NHSL1: variants seen among roughly 807,000 people sequenced by gnomAD.
NHSL1 encodes NHS like 1, also known as NHS-like protein 1.
A neutral mutation model predicts 95.0 loss-of-function variants in NHSL1; 48 were observed. The observed-to-expected ratio is 0.51, with a 90% CI of 0.40 to 0.64. The LOEUF (loss-of-function observed/expected upper bound fraction) is 0.64. Ranked by LOEUF, NHSL1 falls within the 30% of genes least tolerant of loss-of-function variation. The pLI is 0.00. For synonymous variants in NHSL1, 783 were observed against 833.9 expected (o/e 0.94, Z 1.05); for missense variants, 1,971 against 2,077.7 (o/e 0.95, Z 1.00).
At chr6:138,443,191 T>A (rs533817090) in intron 4 of NHSL1, among the ~76,000 whole-genome samples, 1 of 152,338 alleles carries the variant, frequency 6.6e-6, no homozygotes, top group Admixed American at 6.5e-5. Flanking sequence ...TAACTTCTAT[T>A]TTGGTAAGAA....
intron 1 of NHSL1, among the ~76,000 whole-genome samples, chr6:138,625,300 G>A (rs963198485): frequency 2.0e-5 from 3 of 151,992 alleles, no homozygotes; most frequent in Admixed American, 1.3e-4. Flanking sequence ...GCGCCACCAC[G>A]CCTGACTAAT....
rs549477269 is a variant in NHSL1, at chr6:138,494,521, C to T, written c.211+1698G>A. Among the ~76,000 whole-genome samples, 150 of 152,226 alleles carry T rather than the reference C, an allele frequency of 9.9e-4. 1 individual carries two copies. The highest frequency in any genetic ancestry group is 3.5e-3 in the African/African-American group (145 of 41,546). ...GATAATACATTCAGTGGGCTTAGAACAGTATCTGGCATTAGAGTTAAGTGT... is the reference window on the plus strand; with the variant it reads ...GATAATACATTCAGTGGGCTTAGAATAGTATCTGGCATTAGAGTTAAGTGT... On this transcript the variant is annotated intron_variant, in intron 2 of 7. Transcript: ENST00000343505.
chr6:138,579,682 G>C (rs1048931837), intron 1 of NHSL1, among the ~76,000 whole-genome samples: 1 of 152,164 alleles, frequency 6.6e-6, no homozygotes, highest in African/African-American at 2.4e-5. Flanking sequence ...ACACAGGCTG[G>C]GATCTGCTGG....
At chr6:138,533,501 T>C (rs950286839) in intron 1 of NHSL1, among the ~76,000 whole-genome samples, 1 of 152,082 alleles carries the variant, frequency 6.6e-6, no homozygotes, top group Non-Finnish European at 1.5e-5. Context: ...TGAGCCGAGA[T>C]CACGCCACTG....
chr6:138,458,302 A>T (rs1040121549), intron 3 of NHSL1, among the ~76,000 whole-genome samples: 1 of 152,222 alleles, frequency 6.6e-6, no homozygotes, highest in Non-Finnish European at 1.5e-5. Flanking sequence ...GGGTCAAGTC[A>T]GTTCTTCCTT....
chr6:138,582,791 T>A (rs1784080909), intron 1 of NHSL1, among the ~76,000 whole-genome samples: 2 of 152,186 alleles, frequency 1.3e-5, no homozygotes, highest in Non-Finnish European at 2.9e-5. Context: ...CTCCTCCATC[T>A]CTGGAACATT....
chr6:138,597,487 C>T (rs951601784), intron 1 of NHSL1, among the ~76,000 whole-genome samples: 6 of 152,212 alleles, frequency 3.9e-5, no homozygotes, highest in African/African-American at 1.2e-4. Flanking sequence ...TCACCATACA[C>T]GCCTCACTTC....
At chr6:138,599,537 T>G (rs1453196980) in intron 1 of NHSL1, among the ~76,000 whole-genome samples, 1 of 152,094 alleles carries the variant, frequency 6.6e-6, no homozygotes, top group African/African-American at 2.4e-5. Flanking sequence ...GATTTAGAAC[T>G]CTTTAAGGTC....
intron 1 of NHSL1, among the ~76,000 whole-genome samples, chr6:138,564,954 T>C (rs1783553824): frequency 6.6e-6 from 1 of 151,804 alleles, no homozygotes; most frequent in Admixed American, 6.6e-5. Flanking sequence ...GTTTCTGGAG[T>C]TGTGAAAAAG....
At chr6:138,493,565 C>T (rs1212520585) in intron 2 of NHSL1, among the ~76,000 whole-genome samples, 11 of 152,218 alleles carry the variant, frequency 7.2e-5, no homozygotes, top group Admixed American at 7.2e-4. Context: ...TATTCAAACT[C>T]ACACATACCT....
chr6:138,481,519 T>C (rs1160041379), intron 2 of NHSL1, among the ~76,000 whole-genome samples: 2 of 152,214 alleles, frequency 1.3e-5, no homozygotes, highest in African/African-American at 2.4e-5. Context: ...ACAATAGATG[T>C]TCAAACATTT....
At chr6:138,686,519 A>G (rs1238846055) in intron 1 of NHSL1, among the ~76,000 whole-genome samples, 1 of 152,210 alleles carries the variant, frequency 6.6e-6, no homozygotes, top group Non-Finnish European at 1.5e-5. Context: ...TGTTTCCCAT[A>G]AATACATGCA....
At position 138,668,289 on chromosome 6, in the gene NHSL1, T is replaced by A. The variant is rs572258651; in HGVS notation, c.96+24187A>T. 4.9e-4 allele frequency among the ~76,000 whole-genome samples: 74 copies of A among 152,144 alleles called. 1 individual carries two copies. In the South Asian group the frequency reaches 0.011, roughly 23 times the overall value. The stretch of plus-strand genomic sequence containing the variant: ...AAATACCCCGTCTCTACTAAAAATA[T>A]AAAATTAGCCAAGCATGGTGGCTCA... On this transcript the variant is annotated intron_variant, in intron 1 of 3. Coordinates refer to the NHSL1 transcript ENST00000491526.
rs572621969 is a variant in NHSL1, at chr6:138,458,555, G to A, written c.340-11362C>T. 1.7e-3 allele frequency among the ~76,000 whole-genome samples: 259 copies of A among 152,100 alleles called. 3 individuals are homozygous for A. Among genetic ancestry groups the A allele is most frequent in the African/African-American group, 5.9e-3 (244 of 41,492 alleles). ...TAAAAGTACAAAAATTAGGCTGGGC[G>A]TGGTGGCTCACACCTGTAATCCCAG... On this transcript the variant is annotated intron_variant, in intron 3 of 7. Coordinates refer to ENST00000343505, the MANE Select transcript of NHSL1 (RefSeq NM_001144060.2).
chr6:138,618,964 C>T (rs1784617587), intron 1 of NHSL1, among the ~76,000 whole-genome samples: 1 of 152,202 alleles, frequency 6.6e-6, no homozygotes, highest in African/African-American at 2.4e-5. Flanking sequence ...CTACCTGCTG[C>T]AGGAGTTCCT....
upstream of NHSL1, among the ~76,000 whole-genome samples, chr6:138,547,093 C>CT (rs1782829031): frequency 6.6e-6 from 1 of 152,182 alleles, no homozygotes; most frequent in South Asian, 2.1e-4. Context: ...CAGAACCAAT[C>CT]TATCTATCTG....
intron 1 of NHSL1, among the ~76,000 whole-genome samples, chr6:138,665,205 G>A (rs926195593): frequency 2.0e-5 from 3 of 152,116 alleles, no homozygotes; most frequent in African/African-American, 7.2e-5. Context: ...TATGTGCTGT[G>A]TCATAATACA....
At chr6:138,526,980 CT>C (rs1781931682) in intron 1 of NHSL1, among the ~76,000 whole-genome samples, 1 of 152,202 alleles carries the variant, frequency 6.6e-6, no homozygotes, top group Admixed American at 6.5e-5. Flanking sequence ...ATTTATCCCG[CT>C]TCTTTGGGCT....
intron 1 of NHSL1, among the ~76,000 whole-genome samples, chr6:138,554,707 T>G (rs1025245896): frequency 6.6e-6 from 1 of 152,250 alleles, no homozygotes; most frequent in African/African-American, 2.4e-5. Flanking sequence ...AATATTGTGT[T>G]TTGAAACCAA....
Sources: allele counts gnomAD v4.1 joint callset (sites outside exome capture counted in the v4.1 genomes callset), GRCh38; gene constraint gnomAD v4.1.1; transcripts MANE v1.5; gene names NCBI Gene and HGNC (gene_info 2026-07-23, HGNC 2026-07-21).